The following FCHSD2 variants were observed in gnomAD, a reference collection of about 807,000 sequenced individuals.
FCHSD2 encodes the protein F-BAR and double SH3 domains protein 2.
Under a neutral mutation model 108.1 loss-of-function variants are expected in FCHSD2, and 38 were observed. The observed-to-expected ratio is 0.35, with a 90% CI of 0.27 to 0.46. The LOEUF is 0.46. Ranked by LOEUF, FCHSD2 falls within the 20% of genes least tolerant of loss-of-function variation. The pLI is 1.00. For missense variants in FCHSD2, 751 were observed against 897.8 expected, an observed-to-expected ratio of 0.84 and a Z score of 2.09; for synonymous variants, 279 against 314.7, an observed-to-expected ratio of 0.89 and a Z score of 1.20.
intron 2 of FCHSD2, among the ~76,000 whole-genome samples, chr11:73,084,459 T>C (rs1270764443): frequency 1.3e-5 from 2 of 152,196 alleles, no homozygotes; most frequent in African/African-American, 2.4e-5. Context: ...GGTGAGGTCC[T>C]AGCCCACTGC....
At chr11:72,958,974 A>C (rs1237579709) in intron 8 of FCHSD2, among the ~76,000 whole-genome samples, 1 of 117,924 alleles carries the variant, frequency 8.5e-6, no homozygotes, top group Non-Finnish European at 1.8e-5. Context: ...AGGATATTAC[A>C]TATACTCATC....
At chr11:72,948,325 A>G (rs1441259640) in intron 8 of FCHSD2, among the ~76,000 whole-genome samples, 1 of 152,158 alleles carries the variant, frequency 6.6e-6, no homozygotes, top group African/African-American at 2.4e-5. Context: ...ATCATAAATT[A>G]TTGGCTGCTT....
intron 3 of FCHSD2, among the ~76,000 whole-genome samples, chr11:73,058,444 T>C (rs1859082164): frequency 6.6e-6 from 1 of 152,120 alleles, no homozygotes; most frequent in Admixed American, 6.5e-5. Flanking sequence ...CTGACTAACT[T>C]CTTGATTTGA....
At chr11:73,077,109 AAAAAG>A (rs1859574190) in intron 3 of FCHSD2, among the ~76,000 whole-genome samples, 8 of 150,370 alleles carry the variant, frequency 5.3e-5, no homozygotes, top group Admixed American at 6.6e-5. Flanking sequence ...AAAAAAAAAA[AAAAAG>A]AAAAAGAAAA....
chr11:73,142,110 G>A lies in FCHSD2; in HGVS notation c.-233C>T, dbSNP rs1861264086. 1 of 426,682 alleles carries A rather than the reference G, an allele frequency of 2.3e-6. No individual in the cohort carries two copies. The highest frequency in any genetic ancestry group is 4.2e-6 in the Non-Finnish European group (1 of 239,092). 26.4% of individuals were successfully genotyped at this position (426,682 alleles called of 1,614,324 possible). On this transcript the variant is annotated 5_prime_UTR_variant, in exon 1 of 20. Transcript: ENST00000409418. Reference sequence around the variant, plus strand: ...CACCGGGAAGGCTTGGGGCCCGGGCGGCCCGGGCGGCCCGGGGGTGTGTGA... The same window carrying A: ...CACCGGGAAGGCTTGGGGCCCGGGCAGCCCGGGCGGCCCGGGGGTGTGTGA...
rs529865650 is a variant in FCHSD2, at chr11:72,937,513, T to C, written c.706-15563A>G. On this transcript the variant is annotated intron_variant, in intron 8 of 19. Coordinates refer to ENST00000409418, the MANE Select transcript of FCHSD2 (RefSeq NM_014824.3). ...TAGGAAAGAGTTAATAAACATGTCA[T>C]GGACATATGGGACCATTAATGGAAA... Among the ~76,000 whole-genome samples, 140 of 152,336 alleles carry C rather than the reference T, an allele frequency of 9.2e-4. 1 individual carries two copies. The highest frequency in any genetic ancestry group is 2.1e-3 in the South Asian group (10 of 4,834).
intron 2 of FCHSD2, among the ~76,000 whole-genome samples, chr11:73,094,875 CGAG>C (rs1860040104): frequency 6.6e-6 from 1 of 152,038 alleles, no homozygotes; most frequent in Non-Finnish European, 1.5e-5. Flanking sequence ...TATTTTTTAA[CGAG>C]GCAAGCGGAA....
intron 4 of FCHSD2, among the ~76,000 whole-genome samples, chr11:73,003,670 T>C (rs1857674083): frequency 6.6e-6 from 1 of 151,410 alleles, no homozygotes; most frequent in Non-Finnish European, 1.5e-5. Flanking sequence ...GTATTTTTAG[T>C]AGAGACGGGG....
At chr11:73,049,920 G>C (rs1338897925) in intron 3 of FCHSD2, among the ~76,000 whole-genome samples, 1 of 152,106 alleles carries the variant, frequency 6.6e-6, no homozygotes, top group Non-Finnish European at 1.5e-5. Context: ...ATGTGTACAA[G>C]GAAGGTTTCT....
chr11:72,846,598 CACTT>C (rs1861150424), intron 14 of FCHSD2, among the ~76,000 whole-genome samples: 1 of 152,144 alleles, frequency 6.6e-6, no homozygotes, highest in Non-Finnish European at 1.5e-5. Context: ...CATTTCTTCT[CACTT>C]ACCCCAACTA....
chr11:73,098,213 A>G (rs1471769229), intron 2 of FCHSD2, among the ~76,000 whole-genome samples: 1 of 152,188 alleles, frequency 6.6e-6, no homozygotes, highest in Admixed American at 6.5e-5. Flanking sequence ...GTTTTCCCTG[A>G]ATACTAGTTT....
At chr11:73,111,183 C>G (rs1860475951) in intron 2 of FCHSD2, among the ~76,000 whole-genome samples, 1 of 152,056 alleles carries the variant, frequency 6.6e-6, no homozygotes, top group Admixed American at 6.6e-5. Context: ...ACTACCAGGT[C>G]CATTCGGTCT....
At chr11:72,925,642 GATA>G (rs1278138290) in intron 8 of FCHSD2, among the ~76,000 whole-genome samples, 27 of 152,234 alleles carry the variant, frequency 1.8e-4, no homozygotes, top group Admixed American at 3.9e-4. Context: ...CTCATCATGA[GATA>G]ATAACTGACG....
intron 3 of FCHSD2, among the ~76,000 whole-genome samples, chr11:73,032,604 A>G (rs147075849): frequency 1.5e-3 from 234 of 152,178 alleles, no homozygotes; most frequent in African/African-American, 5.1e-3. Flanking sequence ...AAAGCACAAC[A>G]AAGAGGAAAA....
chr11:73,086,264 C>G (rs889676513), intron 2 of FCHSD2, among the ~76,000 whole-genome samples: 2 of 152,094 alleles, frequency 1.3e-5, no homozygotes, highest in African/African-American at 2.4e-5. Flanking sequence ...CAAAAATTAG[C>G]TGGGCGTGGT....
chr11:73,032,616 C>T (rs1022517716), intron 3 of FCHSD2, among the ~76,000 whole-genome samples: 4 of 149,988 alleles, frequency 2.7e-5, no homozygotes, highest in African/African-American at 9.8e-5. Context: ...AGAGGAAAAA[C>T]TCAAGAAGTC....
At chr11:73,122,469 A>C (rs1023153309) in intron 2 of FCHSD2, among the ~76,000 whole-genome samples, 2 of 152,212 alleles carry the variant, frequency 1.3e-5, no homozygotes, top group Non-Finnish European at 2.9e-5. Context: ...AACACCACTT[A>C]ACCATCTTCT....
intron 2 of FCHSD2, among the ~76,000 whole-genome samples, chr11:73,138,363 G>A (rs1232722250): frequency 6.6e-6 from 1 of 151,974 alleles, no homozygotes. Flanking sequence ...AGACAACAGG[G>A]GAAAAATGGA....
At chr11:72,864,220 A>G (rs1459124337) in intron 13 of FCHSD2, among the ~76,000 whole-genome samples, 1 of 152,214 alleles carries the variant, frequency 6.6e-6, no homozygotes, top group Non-Finnish European at 1.5e-5. Context: ...TGTAAGCAAT[A>G]AAAGAACAGG....
Sources: gnomAD v4.1 joint callset for allele counts (sites outside exome capture counted in the v4.1 genomes callset) on GRCh38, gnomAD v4.1.1 for gene constraint, MANE v1.5 for transcripts, NCBI Gene and HGNC (gene_info 2026-07-23, HGNC 2026-07-21) for gene names.